TSHZ2: variants seen among roughly 807,000 people sequenced by gnomAD.
The protein encoded by TSHZ2 is teashirt homolog 2.
A neutral mutation model predicts 74.4 loss-of-function variants in TSHZ2; 21 were observed. That is an observed-to-expected ratio of 0.28 (90% CI 0.20 to 0.41). The LOEUF (loss-of-function observed/expected upper bound fraction) is 0.41, where lower values mean the gene tolerates loss of function less well. Among genes scored for constraint, TSHZ2 ranks in the 10% least tolerant of loss-of-function variants. The pLI, the probability that TSHZ2 is intolerant of heterozygous loss-of-function variation, is 1.00. For synonymous variants in TSHZ2, 540 were observed against 515.3 expected (o/e 1.05, Z -0.65); for missense variants, 1,244 against 1,293.5 (o/e 0.96, Z 0.59).
chr20:53,451,009 T>A (rs1252569313), intron 2 of TSHZ2, among the ~76,000 whole-genome samples: 1 of 152,092 alleles, frequency 6.6e-6, no homozygotes, highest in Admixed American at 6.5e-5. Context: ...CTCTCCCAGA[T>A]TAAAGTACAC....
At chr20:53,071,021 C>T (rs781279420) in intron 1 of TSHZ2, among the ~76,000 whole-genome samples, 14 of 152,128 alleles carry the variant, frequency 9.2e-5, no homozygotes, top group African/African-American at 2.2e-4. Flanking sequence ...ACCGTTAGAA[C>T]GAAACAATTT....
chr20:53,200,410 GA>G (rs1988974977), intron 1 of TSHZ2, among the ~76,000 whole-genome samples: 1 of 152,180 alleles, frequency 6.6e-6, no homozygotes, highest in South Asian at 2.1e-4. Flanking sequence ...GAGAGGGGAG[GA>G]AACTGAGTCA....
At chr20:53,235,868 T>G (rs1378488578) in intron 1 of TSHZ2, among the ~76,000 whole-genome samples, 1 of 152,246 alleles carries the variant, frequency 6.6e-6, no homozygotes, top group Admixed American at 6.5e-5. Context: ...AAATAAAGTC[T>G]GTTCCATTGT....
At chr20:53,410,865 G>T (rs1600617798) in intron 2 of TSHZ2, among the ~76,000 whole-genome samples, 2 of 151,876 alleles carry the variant, frequency 1.3e-5, no homozygotes, top group South Asian at 4.2e-4. Flanking sequence ...AGTAGAGATG[G>T]TGTTTCACCA....
rs1365989291 is a variant in TSHZ2 at position 53,467,759 on chromosome 20, GCCAC to G, written c.*9-19383_*9-19380del. On this transcript the variant is annotated intron_variant, in intron 2 of 2. Coordinates refer to ENST00000371497, the MANE Select transcript of TSHZ2 (RefSeq NM_173485.6). ...GAGGCTACATAATTACTAAAGTTGGGCCACCAATTTGACTCTGAGCTTCCTGGTA... is the reference window on the plus strand; with the variant it reads ...GAGGCTACATAATTACTAAAGTTGGGCAATTTGACTCTGAGCTTCCTGGTA... 2.6e-5 allele frequency among the ~76,000 whole-genome samples: 4 copies of G among 152,228 alleles called. No homozygotes were observed. In the East Asian group the frequency reaches 7.7e-4, roughly 29 times the overall value.
chr20:53,167,107 A>G (rs1371071382), intron 1 of TSHZ2, among the ~76,000 whole-genome samples: 1 of 152,168 alleles, frequency 6.6e-6, no homozygotes, highest in Non-Finnish European at 1.5e-5. Context: ...TCCTGGGGTG[A>G]GAATGAGTTG....
intron 1 of TSHZ2, among the ~76,000 whole-genome samples, chr20:53,176,915 G>C (rs986470746): frequency 2.6e-5 from 4 of 152,080 alleles, no homozygotes; most frequent in African/African-American, 9.7e-5. Context: ...TCGAACTCTT[G>C]ACCTTGTGAT....
chr20:53,469,569 GAAGGAAGGAAGGA>G, intron 2 of TSHZ2, among the ~76,000 whole-genome samples: 1 of 120,816 alleles, frequency 8.3e-6, no homozygotes, highest in Non-Finnish European at 1.8e-5. Context: ...AGGAAGGAAG[GAAGGAAGGAAGGA>G]AGGAAGGAAG....
chr20:53,436,816 GCT>G (rs1335125321), intron 2 of TSHZ2, among the ~76,000 whole-genome samples: 3 of 151,918 alleles, frequency 2.0e-5, no homozygotes, highest in Non-Finnish European at 4.4e-5. Flanking sequence ...CTCCCAAGGT[GCT>G]GGGATTACAG....
chr20:53,453,536 C>T (rs775392759), intron 2 of TSHZ2, among the ~76,000 whole-genome samples: 5 of 152,108 alleles, frequency 3.3e-5, no homozygotes, highest in Non-Finnish European at 5.9e-5. Context: ...AATGCTCCAT[C>T]GTGTGATTGT....
intron 1 of TSHZ2, among the ~76,000 whole-genome samples, chr20:53,132,957 A>G (rs752558640): frequency 2.6e-5 from 4 of 151,894 alleles, no homozygotes; most frequent in African/African-American, 4.8e-5. Flanking sequence ...ACCGTTTTCT[A>G]TCTTTCATGA....
At chr20:53,303,249 G>T (rs1029143801) in intron 2 of TSHZ2, among the ~76,000 whole-genome samples, 2 of 152,020 alleles carry the variant, frequency 1.3e-5, no homozygotes, top group African/African-American at 4.8e-5. Context: ...TGAGTTCTGC[G>T]CCCTCTTTGC....
At chr20:53,334,769 C>T (rs529457914) in intron 2 of TSHZ2, among the ~76,000 whole-genome samples, 3 of 152,084 alleles carry the variant, frequency 2.0e-5, no homozygotes, top group African/African-American at 7.2e-5. Context: ...CTGCAACCTC[C>T]GCCTCCTGGG....
chr20:53,049,852 C>T (rs910405919), intron 1 of TSHZ2, among the ~76,000 whole-genome samples: 2 of 151,936 alleles, frequency 1.3e-5, no homozygotes, highest in African/African-American at 4.8e-5. Context: ...GAAGCCAAGG[C>T]AGGTGGATCT....
intron 1 of TSHZ2, among the ~76,000 whole-genome samples, chr20:52,992,031 A>C (rs185916450): frequency 1.9e-4 from 29 of 152,294 alleles, no homozygotes; most frequent in African/African-American, 7.0e-4. Flanking sequence ...AAACAAAACC[A>C]CTGTTACACA....
At chr20:53,453,366 CAT>C (rs543707356) in intron 2 of TSHZ2, among the ~76,000 whole-genome samples, 28 of 152,340 alleles carry the variant, frequency 1.8e-4, no homozygotes, top group Non-Finnish European at 2.9e-4. Context: ...TTGTCAATAA[CAT>C]GTGCTCTCAA....
intron 2 of TSHZ2, among the ~76,000 whole-genome samples, chr20:53,304,419 G>T (rs1259309194): frequency 6.6e-6 from 1 of 151,908 alleles, no homozygotes; most frequent in Non-Finnish European, 1.5e-5. Flanking sequence ...CAAAAGTCCA[G>T]TCTTGGTCTA....
chr20:53,183,643 A>T (rs897179205), intron 1 of TSHZ2, among the ~76,000 whole-genome samples: 8 of 152,186 alleles, frequency 5.3e-5, no homozygotes, highest in Admixed American at 3.9e-4. Flanking sequence ...AACTGATCAC[A>T]CACAGCTCTC....
Position 53,040,366 on chromosome 20 carries a change from G to A in TSHZ2, c.40+67033G>A, listed in dbSNP as rs144702891. 3.0e-3 allele frequency among the ~76,000 whole-genome samples: 464 copies of A among 152,244 alleles called. 2 individuals are homozygous for A. The highest frequency in any genetic ancestry group is 0.017 in the Middle Eastern group (5 of 294). ...GGAGGGAGGAGGGCTAAATCAGAGG[G>A]CAGGTGTGGGGTAAGTGGTGCAAAG... On this transcript the variant is annotated intron_variant, in intron 1 of 2. Coordinates refer to ENST00000371497, the MANE Select transcript of TSHZ2 (RefSeq NM_173485.6).
Sources: gnomAD v4.1 joint callset for allele counts (sites outside exome capture counted in the v4.1 genomes callset) on GRCh38, gnomAD v4.1.1 for gene constraint, MANE v1.5 for transcripts, NCBI Gene and HGNC (gene_info 2026-07-23, HGNC 2026-07-21) for gene names.